The following CHRM3 variants were observed in gnomAD, a reference collection of about 807,000 sequenced individuals.
The protein encoded by CHRM3 is cholinergic receptor muscarinic 3, also known as muscarinic acetylcholine receptor M3.
Under a neutral mutation model 41.8 loss-of-function variants are expected in CHRM3, and 11 were observed. The observed-to-expected ratio is 0.26, with a 90% CI of 0.17 to 0.44. The LOEUF (loss-of-function observed/expected upper bound fraction) is 0.44, where lower values mean the gene tolerates loss of function less well. Among genes scored for constraint, CHRM3 ranks in the 20% least tolerant of loss-of-function variants. The pLI, the probability that CHRM3 is intolerant of heterozygous loss-of-function variation, is 1.00. For synonymous variants in CHRM3, 297 were observed against 301.4 expected (o/e 0.99, Z 0.15); for missense variants, 571 against 745.4 (o/e 0.77, Z 2.72).
At position 239,909,203 on chromosome 1, in the gene CHRM3, C is replaced by A. The variant is rs201601302; in HGVS notation, c.1752C>A (p.Arg584=). 6.2e-7 allele frequency: 1 copy of A among 1,609,926 alleles called. No homozygotes were observed. Among genetic ancestry groups the A allele is most frequent in the South Asian group, 1.1e-5 (1 of 90,218 alleles). Residue 584 remains arginine (R), a synonymous_variant, in exon 7 of 7, where the codon CGC becomes CGA. Coordinates refer to ENST00000676153, the MANE Select transcript of CHRM3 (RefSeq NM_001375978.1). ...QQRQSVIFHK[R]APEQAL ...GACAGTCGGTCATTTTTCACAAGCGCGCACCCGAGCAGGCCTTGTAGAATG... is the reference window on the plus strand; with the variant it reads ...GACAGTCGGTCATTTTTCACAAGCGAGCACCCGAGCAGGCCTTGTAGAATG...
chr1:239,572,716 G>A (rs997341642), intron 3 of CHRM3, among the ~76,000 whole-genome samples: 7 of 152,176 alleles, frequency 4.6e-5, no homozygotes, highest in African/African-American at 1.7e-4. Context: ...AGTCAAAATA[G>A]TTAAGTAATA....
intron 6 of CHRM3, among the ~76,000 whole-genome samples, chr1:239,883,168 A>G (rs10926002): frequency 0.054 from 8,296 of 152,270 alleles, 690 homozygotes; most frequent in African/African-American, 0.18. Context: ...CCCTTGACTC[A>G]TCATCGTAAA....
chr1:239,823,248 A>C (rs757146481), intron 5 of CHRM3, among the ~76,000 whole-genome samples: 4 of 152,230 alleles, frequency 2.6e-5, no homozygotes, highest in Non-Finnish European at 4.4e-5. Flanking sequence ...TCAGGAAACT[A>C]GGCTCAGAGT....
chr1:239,618,712 C>CG (rs1667978529), intron 3 of CHRM3, among the ~76,000 whole-genome samples: 4 of 149,892 alleles, frequency 2.7e-5, no homozygotes, highest in African/African-American at 7.3e-5. Context: ...GGCGTGGTGG[C>CG]AGCCACCTGT....
chr1:239,712,288 G>T (rs536484615), intron 5 of CHRM3, among the ~76,000 whole-genome samples: 2 of 152,268 alleles, frequency 1.3e-5, no homozygotes, highest in Admixed American at 1.3e-4. Context: ...TGATTGGAAT[G>T]ACTTCGTTGG....
At position 239,563,250 on chromosome 1, in the gene CHRM3, T is replaced by C. The variant is rs148804715; in HGVS notation, c.-313+17501T>C. Among the ~76,000 whole-genome samples, 523 of 152,210 alleles carry C rather than the reference T, an allele frequency of 3.4e-3. 4 individuals carry two copies. The highest frequency in any genetic ancestry group is 0.012 in the African/African-American group (500 of 41,540). ...GTGCACATTTTTTTCTCTTAGTTTATATAATCAAAATTTGTTTGTTTCTAA... is the reference window on the plus strand; with the variant it reads ...GTGCACATTTTTTTCTCTTAGTTTACATAATCAAAATTTGTTTGTTTCTAA... On this transcript the variant is annotated intron_variant, in intron 3 of 6. Transcript: ENST00000676153.
intron 1 of CHRM3, among the ~76,000 whole-genome samples, chr1:239,396,944 T>A (rs2102950664): frequency 6.6e-6 from 1 of 152,346 alleles, no homozygotes; most frequent in Admixed American, 6.5e-5. Flanking sequence ...ACCAATCTGC[T>A]TAAAATGGCC....
intron 4 of CHRM3, among the ~76,000 whole-genome samples, chr1:239,637,349 C>T: frequency 6.6e-6 from 1 of 151,970 alleles, no homozygotes; most frequent in Non-Finnish European, 1.5e-5. Context: ...TCCAGTATTT[C>T]ACGTTAAAAA....
At chr1:239,878,599 A>T in intron 6 of CHRM3, among the ~76,000 whole-genome samples, 1 of 150,116 alleles carries the variant, frequency 6.7e-6, no homozygotes, top group East Asian at 1.9e-4. Flanking sequence ...TCAGTATTTT[A>T]AATTTTTTTT....
chr1:239,635,783 C>A (rs1037393472), intron 4 of CHRM3, among the ~76,000 whole-genome samples: 20 of 152,266 alleles, frequency 1.3e-4, no homozygotes, highest in Non-Finnish European at 2.4e-4. Context: ...TCCTTCACTG[C>A]CAAAACCACC....
chr1:239,601,389 A>G (rs776912660), intron 3 of CHRM3, among the ~76,000 whole-genome samples: 5 of 152,170 alleles, frequency 3.3e-5, no homozygotes, highest in South Asian at 4.1e-4. Context: ...TTTAAGCTGT[A>G]TTTTCTTAAA....
chr1:239,754,434 C>T (rs2148602384), intron 5 of CHRM3, among the ~76,000 whole-genome samples: 1 of 152,268 alleles, frequency 6.6e-6, no homozygotes, highest in South Asian at 2.1e-4. Flanking sequence ...GAAGGCAGTA[C>T]CATCCTTCCA....
At chr1:239,734,639 T>G (rs1664251523) in intron 5 of CHRM3, among the ~76,000 whole-genome samples, 1 of 152,156 alleles carries the variant, frequency 6.6e-6, no homozygotes, top group Non-Finnish European at 1.5e-5. Flanking sequence ...ATGATAACAT[T>G]TATTATATAA....
intron 1 of CHRM3, among the ~76,000 whole-genome samples, chr1:239,402,003 C>T (rs775386264): frequency 4.6e-5 from 7 of 152,144 alleles, no homozygotes; most frequent in Middle Eastern, 3.4e-3. Flanking sequence ...TTGTTTGCAG[C>T]GGCATTTACG....
intron 5 of CHRM3, among the ~76,000 whole-genome samples, chr1:239,793,514 G>C (rs1470293410): frequency 6.6e-6 from 1 of 152,180 alleles, no homozygotes; most frequent in Non-Finnish European, 1.5e-5. Context: ...TTTGAGAAAA[G>C]TGATTTCTAA....
At chr1:239,798,019 A>G (rs923647038) in intron 5 of CHRM3, among the ~76,000 whole-genome samples, 2 of 152,176 alleles carry the variant, frequency 1.3e-5, no homozygotes, top group Non-Finnish European at 2.9e-5. Context: ...ACTGAACTCC[A>G]GCATTTGTGA....
chr1:239,601,713 C>T (rs1053109845), intron 3 of CHRM3, among the ~76,000 whole-genome samples: 2 of 152,146 alleles, frequency 1.3e-5, no homozygotes, highest in African/African-American at 4.8e-5. Context: ...AAGTGCTCAA[C>T]AAACGGATAA....
In CHRM3 at chr1:239,909,119, G is replaced by A. The variant is rs201489195; in HGVS notation, c.1668G>A (p.Lys556=). 1.9e-5 allele frequency: 31 copies of A among 1,614,020 alleles called. No homozygotes were observed. Among genetic ancestry groups the A allele is most frequent in the South Asian group, 4.4e-5 (4 of 91,090 alleles). Reference sequence around the variant, plus strand: ...ACAAAACATTCAGAACCACTTTCAAGATGCTGCTGCTGTGCCAGTGTGACA... The same window carrying A: ...ACAAAACATTCAGAACCACTTTCAAAATGCTGCTGCTGTGCCAGTGTGACA... ...LCNKTFRTTF[K]MLLLCQCDKK... Residue 556 remains lysine (K), a synonymous_variant, in exon 7 of 7, where the codon AAG becomes AAA. Transcript: ENST00000676153.
intron 3 of CHRM3, among the ~76,000 whole-genome samples, chr1:239,574,444 C>A (rs1662136727): frequency 1.3e-5 from 2 of 152,082 alleles, no homozygotes; most frequent in Admixed American, 1.3e-4. Flanking sequence ...GCCTGGAGCA[C>A]TCTTCTCGGT....
Sources: gnomAD v4.1 joint callset for allele counts (sites outside exome capture counted in the v4.1 genomes callset) on GRCh38, gnomAD v4.1.1 for gene constraint, MANE v1.5 for transcripts, NCBI Gene and HGNC (gene_info 2026-07-23, HGNC 2026-07-21) for gene names.